SNX29: variants seen among roughly 807,000 people sequenced by gnomAD.
SNX29 encodes the protein sorting nexin-29.
Under a neutral mutation model 102.1 loss-of-function variants are expected in SNX29, and 78 were observed. The ratio of observed to expected loss-of-function variants is 0.76; its 90% CI spans 0.64 to 0.92. The LOEUF is 0.92. Among genes scored for constraint, SNX29 ranks in the 40% least tolerant of loss-of-function variants. The pLI is 0.00. For synonymous variants in SNX29, 580 were observed against 414.5 expected (o/e 1.40, Z -4.85); for missense variants, 1,280 against 1,061.7 (o/e 1.21, Z -2.86).
intron 11 of SNX29, chr16:12,087,193 G>A: frequency 6.5e-6 from 1 of 153,556 alleles, no homozygotes; most frequent in South Asian, 2.1e-4. Flanking sequence ...TCAAGAGTTT[G>A]AGACCAGCCT....
chr16:12,523,953 C>G (rs748275931), intron 19 of SNX29, among the ~76,000 whole-genome samples: 15 of 152,124 alleles, frequency 9.9e-5, no homozygotes, highest in South Asian at 2.1e-4. Context: ...ATGGTGCCAT[C>G]TTGGCTCACC....
At chr16:12,393,017 C>A (rs1028012916) in intron 16 of SNX29, among the ~76,000 whole-genome samples, 2 of 152,180 alleles carry the variant, frequency 1.3e-5, no homozygotes, top group Middle Eastern at 3.4e-3. Context: ...AGAAAGCAAG[C>A]GCATTGGTGG....
intron 11 of SNX29, among the ~76,000 whole-genome samples, chr16:12,079,205 C>G (rs1054723883): frequency 6.6e-6 from 1 of 152,210 alleles, no homozygotes; most frequent in Non-Finnish European, 1.5e-5. Context: ...CAGTTAGCTA[C>G]AGAGGACCTA....
chr16:12,568,516 C>T lies in SNX29; in HGVS notation c.2329C>T (p.Pro777Ser), dbSNP rs138093631. 8.1e-5 allele frequency: 131 copies of T among 1,609,968 alleles called. No individual in the cohort carries two copies. In the Middle Eastern group the frequency reaches 8.2e-4, roughly 10 times the overall value. ...TCCCTGCTCTTTCAGCGACATCACC[C>T]CGCCCGGAGAGCCTGTGAACAGCCG... Reference protein sequence around the residue: ...QLMPFFVDITPPGEPVNSRPK... With the variant: ...QLMPFFVDITSPGEPVNSRPK... Residue 777 changes from proline to serine, a missense_variant, in exon 21 of 21, where the codon CCG (proline) becomes TCG (serine). Transcript: ENST00000566228.
intron 16 of SNX29, among the ~76,000 whole-genome samples, chr16:12,382,146 C>G (rs1482694617): frequency 2.0e-5 from 3 of 152,112 alleles, no homozygotes; most frequent in African/African-American, 7.2e-5. Flanking sequence ...ACCTCTCATT[C>G]ATTCAGGAGG....
intron 14 of SNX29, among the ~76,000 whole-genome samples, chr16:12,239,640 A>AAC (rs1491564612): frequency 2.2e-4 from 3 of 13,622 alleles, no homozygotes; most frequent in Non-Finnish European, 4.5e-4. Flanking sequence ...CTGTTTCTAC[A>AAC]AAAAAAAAAA....
chr16:12,345,855 T>C (rs2081784206), intron 15 of SNX29, among the ~76,000 whole-genome samples: 1 of 152,146 alleles, frequency 6.6e-6, no homozygotes, highest in Non-Finnish European at 1.5e-5. Flanking sequence ...GCCAAGAAAA[T>C]TAGTGGAAAG....
At chr16:12,069,836 G>A (rs573364449) in intron 10 of SNX29, among the ~76,000 whole-genome samples, 4 of 152,022 alleles carry the variant, frequency 2.6e-5, no homozygotes, top group East Asian at 1.9e-4. Flanking sequence ...GACTACAGGC[G>A]CCCGCCACTG....
At chr16:12,195,149 G>T (rs1408579011) in intron 13 of SNX29, among the ~76,000 whole-genome samples, 1 of 152,200 alleles carries the variant, frequency 6.6e-6, no homozygotes, top group South Asian at 2.1e-4. Context: ...TGGTATATCA[G>T]TGTGAGTATA....
chr16:12,238,235 A>G (rs1352816606), intron 14 of SNX29, among the ~76,000 whole-genome samples: 1 of 151,668 alleles, frequency 6.6e-6, no homozygotes, highest in Non-Finnish European at 1.5e-5. Flanking sequence ...CTTATTTGTG[A>G]AAGGGAGGAA....
At chr16:12,097,086 T>C (rs2052796812) in intron 11 of SNX29, among the ~76,000 whole-genome samples, 1 of 152,160 alleles carries the variant, frequency 6.6e-6, no homozygotes, top group Admixed American at 6.5e-5. Flanking sequence ...CACTGCAGGA[T>C]GTCGGGATGG....
chr16:12,131,386 C>A (rs1379039594), intron 13 of SNX29, among the ~76,000 whole-genome samples: 2 of 152,212 alleles, frequency 1.3e-5, no homozygotes. Flanking sequence ...TGTTCATATA[C>A]TAACATTTTT....
At chr16:12,407,919 G>A (rs981880347) in intron 18 of SNX29, among the ~76,000 whole-genome samples, 1 of 152,186 alleles carries the variant, frequency 6.6e-6, no homozygotes, top group African/African-American at 2.4e-5. Context: ...GTTTGAGCCT[G>A]CAGGGAGCTA....
intron 4 of SNX29, among the ~76,000 whole-genome samples, chr16:12,033,900 T>A (rs1420819318): frequency 6.6e-6 from 1 of 152,062 alleles, no homozygotes; most frequent in Non-Finnish European, 1.5e-5. Context: ...TCCTTGTAGC[T>A]CTAGTGTCTT....
intron 18 of SNX29, among the ~76,000 whole-genome samples, chr16:12,410,528 C>T (rs918735971): frequency 2.0e-5 from 3 of 152,044 alleles, no homozygotes; most frequent in African/African-American, 7.2e-5. Flanking sequence ...CTCATTTCAG[C>T]CTTGAATTTC....
intron 8 of SNX29, among the ~76,000 whole-genome samples, chr16:12,058,897 A>G (rs2050645523): frequency 6.9e-6 from 1 of 145,474 alleles, no homozygotes; most frequent in Non-Finnish European, 1.5e-5. Context: ...GGCTCAAGGG[A>G]TCCTCCCACC....
chr16:12,143,031 CTT>C (rs1358570667), intron 13 of SNX29, among the ~76,000 whole-genome samples: 1 of 151,006 alleles, frequency 6.6e-6, no homozygotes, highest in African/African-American at 2.4e-5. Context: ...GAGTTTCGCT[CTT>C]GTTGCCCAGG....
chr16:12,194,730 A>G (rs830714), intron 13 of SNX29, among the ~76,000 whole-genome samples: 133,556 of 151,394 alleles, frequency 0.88, 61,354 homozygotes, highest in East Asian at 1. Context: ...AGGTTCAAGC[A>G]ATTCTTGTGT....
At chr16:12,556,556 C>G (rs568058870) in intron 20 of SNX29, 1 of 152,230 alleles carries the variant, frequency 6.6e-6, no homozygotes, top group Admixed American at 6.5e-5. Flanking sequence ...GAAACATTTG[C>G]ATTTGATTCT....
Sources: gnomAD v4.1 joint callset for allele counts (sites outside exome capture counted in the v4.1 genomes callset) on GRCh38, gnomAD v4.1.1 for gene constraint, MANE v1.5 for transcripts, NCBI Gene and HGNC (gene_info 2026-07-23, HGNC 2026-07-21) for gene names.